SOAT1: variants seen among roughly 807,000 people sequenced by gnomAD.
SOAT1 encodes the protein sterol O-acyltransferase 1, also known as acyl-coenzyme A:cholesterol acyltransferase 1.
A neutral mutation model predicts 69.5 loss-of-function variants in SOAT1; 55 were observed. The observed-to-expected ratio is 0.79, with a 90% confidence interval of 0.64 to 0.99. The LOEUF (loss-of-function observed/expected upper bound fraction) is 0.99, where lower values mean the gene tolerates loss of function less well. SOAT1 is among the 50% of genes least tolerant of loss of function. The pLI is 0.00. For missense variants in SOAT1, 580 were observed against 669.3 expected (o/e 0.87, Z 1.47); for synonymous variants, 231 against 224.7 (o/e 1.03, Z -0.25).
At chr1:179,346,428 C>T (rs769889981) in intron 11 of SOAT1, among the ~76,000 whole-genome samples, 22 of 152,176 alleles carry the variant, frequency 1.4e-4, no homozygotes, top group Non-Finnish European at 2.8e-4. Context: ...GCCTTTGTTT[C>T]ACATTAGAGA....
intron 10 of SOAT1, 54 bp from the exon 11 acceptor site, chr1:179,344,893 C>A (rs1666471184): frequency 3.1e-6 from 5 of 1,595,584 alleles, no homozygotes; most frequent in South Asian, 2.2e-5. Context: ...AAAAAAATCG[C>A]CTTCCATCTT....
intron 3 of SOAT1, among the ~76,000 whole-genome samples, chr1:179,333,974 G>A (rs1464047301): frequency 6.6e-6 from 1 of 152,264 alleles, no homozygotes; most frequent in Non-Finnish European, 1.5e-5. Context: ...CGGAGCCAGA[G>A]GGGCTCAAGG....
chr1:179,313,794 G>A (rs1016656867), intron 2 of SOAT1, among the ~76,000 whole-genome samples: 18 of 152,218 alleles, frequency 1.2e-4, no homozygotes, highest in Admixed American at 1.0e-3. Context: ...ATGTTGGTCA[G>A]GCTGGTCTCG....
chr1:179,308,517 C>A (rs983449017), intron 2 of SOAT1, among the ~76,000 whole-genome samples: 1 of 151,724 alleles, frequency 6.6e-6, no homozygotes, highest in Non-Finnish European at 1.5e-5. Context: ...ACTAAAAATA[C>A]AAAAATCAGC....
At chr1:179,317,820 A>C (rs994220352) in intron 2 of SOAT1, among the ~76,000 whole-genome samples, 3 of 152,098 alleles carry the variant, frequency 2.0e-5, no homozygotes, top group Admixed American at 1.3e-4. Flanking sequence ...TATTAAAAGG[A>C]TAGAATAAAG....
chr1:179,345,227 A>T (rs1342182588), intron 11 of SOAT1, 151 bp downstream of exon 11: 1 of 704,312 alleles, frequency 1.4e-6, no homozygotes, highest in African/African-American at 1.8e-5. Context: ...TACTTTATAA[A>T]TGAAGTATCC....
chr1:179,334,929 C>T, intron 3 of SOAT1, among the ~76,000 whole-genome samples: 1 of 144,966 alleles, frequency 6.9e-6, no homozygotes, highest in African/African-American at 2.5e-5. Context: ...GCAGGAGAAT[C>T]ACTTGAACCC....
chr1:179,327,513 G>A (rs1291212168), intron 3 of SOAT1, among the ~76,000 whole-genome samples: 1 of 152,162 alleles, frequency 6.6e-6, no homozygotes, highest in Non-Finnish European at 1.5e-5. Context: ...AGCTGTTTCA[G>A]CTCCACAGAG....
chr1:179,335,890 G>A (rs1420399806), intron 4 of SOAT1, among the ~76,000 whole-genome samples: 1 of 152,212 alleles, frequency 6.6e-6, no homozygotes, highest in Non-Finnish European at 1.5e-5. Context: ...CGGGCACAGT[G>A]GCTCACGCCT....
intron 2 of SOAT1, among the ~76,000 whole-genome samples, chr1:179,315,070 G>A (rs1665345014): frequency 6.6e-6 from 1 of 152,170 alleles, no homozygotes; most frequent in East Asian, 1.9e-4. Flanking sequence ...ATCACCCTCA[G>A]TCCTGGCTTA....
intron 15 of SOAT1, among the ~76,000 whole-genome samples, chr1:179,352,654 T>C (rs1304937635): frequency 6.6e-6 from 1 of 152,214 alleles, no homozygotes; most frequent in Non-Finnish European, 1.5e-5. Context: ...ATTCAATCCC[T>C]ACAACCTTCC....
At chr1:179,296,921 A>G (rs773663056) in intron 1 of SOAT1, among the ~76,000 whole-genome samples, 25 of 152,196 alleles carry the variant, frequency 1.6e-4, no homozygotes, top group Non-Finnish European at 3.4e-4. Context: ...CACACTGAAC[A>G]TTATGTAATT....
chr1:179,346,010 C>T (rs1475073283), intron 11 of SOAT1, among the ~76,000 whole-genome samples: 3 of 152,200 alleles, frequency 2.0e-5, no homozygotes, highest in African/African-American at 7.2e-5. Flanking sequence ...ATTATCTTTA[C>T]AGTCTGGGAG....
At chr1:179,314,505 G>T (rs4652363) in intron 2 of SOAT1, among the ~76,000 whole-genome samples, 29,178 of 152,126 alleles carry the variant, frequency 0.19, 2,998 homozygotes, top group Non-Finnish European at 0.23. Context: ...TTCCGTTTTT[G>T]CTAAAGATAT....
chr1:179,333,026 T>G (rs1666022714), intron 3 of SOAT1, among the ~76,000 whole-genome samples: 1 of 152,236 alleles, frequency 6.6e-6, no homozygotes, highest in Non-Finnish European at 1.5e-5. Context: ...AAATGAACAT[T>G]AGGCATGTAA....
At chr1:179,333,197 C>A (rs970181191) in intron 3 of SOAT1, among the ~76,000 whole-genome samples, 1 of 152,066 alleles carries the variant, frequency 6.6e-6, no homozygotes, top group Non-Finnish European at 1.5e-5. Flanking sequence ...ACAATGAATA[C>A]CTGGAGAGTG....
At chr1:179,309,789 T>C (rs1456088322) in intron 2 of SOAT1, among the ~76,000 whole-genome samples, 1 of 152,194 alleles carries the variant, frequency 6.6e-6, no homozygotes, top group African/African-American at 2.4e-5. Context: ...ACTAGTGATT[T>C]GTCTTTTGAC....
intron 1 of SOAT1, among the ~76,000 whole-genome samples, chr1:179,300,020 C>A (rs538122231): frequency 6.6e-6 from 1 of 151,878 alleles, no homozygotes; most frequent in South Asian, 2.1e-4. Flanking sequence ...CTCAGCCTCC[C>A]AAAGTGCTGG....
intron 1 of SOAT1, among the ~76,000 whole-genome samples, chr1:179,295,412 T>G (rs1664599059): frequency 2.0e-5 from 3 of 152,236 alleles, no homozygotes; most frequent in African/African-American, 7.2e-5. Context: ...TAGCAGAAGT[T>G]GATCATTAAT....
Sources: gnomAD v4.1 joint callset for allele counts (sites outside exome capture counted in the v4.1 genomes callset) on GRCh38, gnomAD v4.1.1 for gene constraint, MANE v1.5 for transcripts, NCBI Gene and HGNC (gene_info 2026-07-23, HGNC 2026-07-21) for gene names.